Variants in RB1 observed in about 807,000 individuals in gnomAD.
RB1 encodes RB transcriptional corepressor 1.
A neutral mutation model predicts 135.4 loss-of-function variants in RB1; 18 were observed. That is an observed-to-expected ratio of 0.13 (90% confidence interval 0.09 to 0.20). The LOEUF (loss-of-function observed/expected upper bound fraction) is 0.20, where lower values mean the gene tolerates loss of function less well. RB1 is among the 10% of genes least tolerant of loss of function. RB1 has a pLI of 1.00. For missense variants in RB1, 868 were observed against 1,110.0 expected (o/e 0.78, Z 3.10); for synonymous variants, 365 against 373.2 (o/e 0.98, Z 0.25).
chr13:48,369,524 C>T (rs192468390), intron 11 of RB1, among the ~76,000 whole-genome samples: 1 of 152,176 alleles, frequency 6.6e-6, no homozygotes, highest in Non-Finnish European at 1.5e-5. Flanking sequence ...CTTCCCATTG[C>T]AATTGGTATA....
intron 17 of RB1, among the ~76,000 whole-genome samples, chr13:48,392,170 G>A (rs1948615719): frequency 6.6e-6 from 1 of 151,974 alleles, no homozygotes; most frequent in South Asian, 2.1e-4. Flanking sequence ...GAGTGCAGTG[G>A]CATGATCCCA....
chr13:48,440,753 ACTTG>A (rs1397405742), intron 17 of RB1, among the ~76,000 whole-genome samples: 1 of 152,208 alleles, frequency 6.6e-6, no homozygotes, highest in Non-Finnish European at 1.5e-5. Context: ...CATCTCTTAT[ACTTG>A]CTTAACTTTT....
chr13:48,479,952 A>G (rs1949527806), intron 26 of RB1, 46 bp from the exon 27 acceptor site: 1 of 1,531,526 alleles, frequency 6.5e-7, no homozygotes, highest in South Asian at 1.1e-5. Flanking sequence ...TTGCCAACTT[A>G]CCCAGTACCA....
intron 2 of RB1, chr13:48,318,841 T>G: frequency 1.0e-6 from 1 of 990,372 alleles, no homozygotes; most frequent in South Asian, 1.3e-5. Context: ...GCCAGCAAAC[T>G]CCCCGACTAT....
At chr13:48,365,066 A>T in intron 9 of RB1, 95 bp downstream of exon 9, 1 of 1,418,210 alleles carries the variant, frequency 7.1e-7, no homozygotes, top group South Asian at 1.5e-5. Context: ...ACTGTGTATC[A>T]CATTTTTTTT....
chr13:48,319,159 C>A lies in RB1; in HGVS notation c.264+11753C>A. The A allele has an allele frequency of 1.7e-6, 1 of 605,744 alleles. No homozygotes were observed. The highest frequency in any genetic ancestry group is 1.6e-5 in the South Asian group (1 of 61,188). 37.5% of individuals were successfully genotyped at this position (605,744 alleles called of 1,614,324 possible). ...CCTTCGGGAGCTTGTGGGGAATGGTCAGCGTCTAGGCACCCCGGGCAAGGG... is the reference window on the plus strand; with the variant it reads ...CCTTCGGGAGCTTGTGGGGAATGGTAAGCGTCTAGGCACCCCGGGCAAGGG... On this transcript the variant is annotated intron_variant, in intron 2 of 26. Transcript: ENST00000267163. The surrounding 1 kb of genome is among the most constrained non-coding windows in gnomAD (Gnocchi z 5.0).
In RB1 at chr13:48,335,016, T is replaced by C. The variant is rs554034551; in HGVS notation, c.265-7583T>C. 2.0e-5 allele frequency among the ~76,000 whole-genome samples: 3 copies of C among 152,280 alleles called. No homozygotes were observed. The South Asian group carries it at 6.2e-4, about 32-fold the overall frequency. ...AATTGTAGATAATTTAAAAAATGTA[T>C]GCAGGATTAATAAGGAAAATGAAAA... On this transcript the variant is annotated intron_variant, in intron 2 of 26. Transcript: ENST00000267163.
chr13:48,399,866 A>G lies in RB1; in HGVS notation c.1695+18423A>G, dbSNP rs117644718. ...TGTATCTATACCCTTCTTTAATTTT[A>G]AAACACTCTGACATATGAAAAAATG... is the stretch of plus-strand genomic sequence containing the variant. On this transcript the variant is annotated intron_variant, in intron 17 of 26. Coordinates refer to ENST00000267163, the MANE Select transcript of RB1 (RefSeq NM_000321.3). Among the ~76,000 whole-genome samples the G allele has an allele frequency of 8.4e-3, 1,277 of 152,144 alleles. 16 individuals carry two copies. Among genetic ancestry groups the G allele is most frequent in the African/African-American group, 0.023 (966 of 41,552 alleles).
In RB1 at chr13:48,462,209, G is replaced by A. The variant is rs115158396; in HGVS notation, c.2107-1522G>A. 5.5e-3 allele frequency among the ~76,000 whole-genome samples: 842 copies of A among 151,796 alleles called. 14 individuals carry two copies. Among genetic ancestry groups the A allele is most frequent in the African/African-American group, 0.019 (800 of 41,372 alleles). On this transcript the variant is annotated intron_variant, in intron 20 of 26. Transcript: ENST00000267163. Reference sequence around the variant, plus strand: ...CATGATCACAGCTCACTGCAGCCTCGAATTCCCGGGCTCAAGTGTTCCTCC... The same window carrying A: ...CATGATCACAGCTCACTGCAGCCTCAAATTCCCGGGCTCAAGTGTTCCTCC...
chr13:48,376,681 A>C (rs1387258161), intron 12 of RB1, among the ~76,000 whole-genome samples: 1 of 152,134 alleles, frequency 6.6e-6, no homozygotes, highest in African/African-American at 2.4e-5. Flanking sequence ...TCTCTAGCCT[A>C]GTGGCAGAAA....
At position 48,465,076 on chromosome 13, in the gene RB1, C is replaced by G. The variant is rs138637932; in HGVS notation, c.2290C>G (p.Leu764Val). The stretch of plus-strand genomic sequence containing the variant: ...CTATAACTCGGTCTTCATGCAGAGA[C>G]TGAAAACAAATATTTTGCAGTATGC... Reference protein sequence around the residue: ...VFYNSVFMQRLKTNILQYAST... With the variant: ...VFYNSVFMQRVKTNILQYAST... Residue 764 changes from leucine to valine, a missense_variant, in exon 22 of 27, where the codon CTG becomes GTG. This residue lies in a region of RB1 where 196 missense variants were observed against 239.8 expected (regional missense o/e 0.82). Coordinates refer to ENST00000267163, the MANE Select transcript of RB1 (RefSeq NM_000321.3). 7.6e-6 allele frequency: 12 copies of G among 1,589,252 alleles called. No homozygotes were observed. The highest frequency in any genetic ancestry group is 6.9e-6 in the Non-Finnish European group (8 of 1,165,774).
At chr13:48,458,975 T>C (rs971804539) in intron 19 of RB1, among the ~76,000 whole-genome samples, 1 of 152,176 alleles carries the variant, frequency 6.6e-6, no homozygotes, top group Admixed American at 6.5e-5. Flanking sequence ...TCATAGACAC[T>C]GGCAATTATA....
intron 17 of RB1, among the ~76,000 whole-genome samples, chr13:48,394,241 C>T (rs1948631179): frequency 6.6e-6 from 1 of 152,230 alleles, no homozygotes; most frequent in Non-Finnish European, 1.5e-5. Flanking sequence ...GCTTTTCCCA[C>T]AGTCTTCGCA....
At chr13:48,373,831 GTTTTA>G (rs1485550991) in intron 12 of RB1, among the ~76,000 whole-genome samples, 3 of 151,844 alleles carry the variant, frequency 2.0e-5, no homozygotes, top group Non-Finnish European at 4.4e-5. Context: ...ACTTTTTGAG[GTTTTA>G]TTTTGTTTTT....
chr13:48,321,166 A>T (rs1471634835), intron 2 of RB1, among the ~76,000 whole-genome samples: 1 of 152,110 alleles, frequency 6.6e-6, no homozygotes, highest in Non-Finnish European at 1.5e-5. Flanking sequence ...CGCGTCCCGC[A>T]TCCGGGGGGA....
intron 17 of RB1, among the ~76,000 whole-genome samples, chr13:48,448,779 A>G (rs759144205): frequency 3.3e-5 from 5 of 152,268 alleles, no homozygotes; most frequent in Non-Finnish European, 7.3e-5. Flanking sequence ...TGAATGTTCA[A>G]GTGGCTACTT....
chr13:48,412,988 A>G (rs1948843611), intron 17 of RB1: 1 of 169,062 alleles, frequency 5.9e-6, no homozygotes, highest in Non-Finnish European at 1.4e-5. Context: ...CCTGCAGTGG[A>G]TCCCAGATTG....
intron 17 of RB1, among the ~76,000 whole-genome samples, chr13:48,435,995 A>G (rs1321432843): frequency 1.3e-5 from 2 of 152,222 alleles, no homozygotes; most frequent in African/African-American, 4.8e-5. Context: ...ACCCAACTCT[A>G]TGCTATCTAA....
intron 1 of RB1, among the ~76,000 whole-genome samples, chr13:48,304,848 C>G (rs1566174516): frequency 6.6e-6 from 1 of 151,576 alleles, no homozygotes; most frequent in Non-Finnish European, 1.5e-5. Context: ...TGCCTTTTGA[C>G]TTTGAACCAG....
Sources: gnomAD v4.1 joint callset for allele counts (sites outside exome capture counted in the v4.1 genomes callset) on GRCh38, gnomAD v4.1.1 for gene constraint, gnomAD v4.1.1 regional missense constraint, Gnocchi (gnomAD v3.1) non-coding constraint, MANE v1.5 for transcripts, NCBI Gene and HGNC (gene_info 2026-07-23, HGNC 2026-07-21) for gene names.